NOS1AP: variants seen among roughly 807,000 people sequenced by gnomAD.
NOS1AP encodes the protein nitric oxide synthase 1 adaptor protein.
NOS1AP carries 21 observed loss-of-function variants against 56.2 expected under a neutral mutation model. That is an observed-to-expected ratio of 0.37 (90% CI 0.26 to 0.54). The LOEUF (loss-of-function observed/expected upper bound fraction) is 0.54, where lower values mean the gene tolerates loss of function less well. NOS1AP is among the 20% of genes least tolerant of loss of function. The pLI, the probability that NOS1AP is intolerant of heterozygous loss-of-function variation, is 0.84. For synonymous variants in NOS1AP, 270 were observed against 274.6 expected, an observed-to-expected ratio of 0.98 and a Z score of 0.17; for missense variants, 522 against 657.8, an observed-to-expected ratio of 0.79 and a Z score of 2.26.
chr1:162,166,516 G>A (rs1343640012), intron 2 of NOS1AP, among the ~76,000 whole-genome samples: 1 of 152,144 alleles, frequency 6.6e-6, no homozygotes, highest in African/African-American at 2.4e-5. Context: ...TTATCTTCCA[G>A]AGCCTATTTG....
chr1:162,186,427 A>C (rs776822141), intron 2 of NOS1AP, among the ~76,000 whole-genome samples: 51 of 152,242 alleles, frequency 3.3e-4, no homozygotes, highest in Admixed American at 5.9e-4. Context: ...ACAAAAAAAA[A>C]CAAAAAAACC....
intron 8 of NOS1AP, among the ~76,000 whole-genome samples, chr1:162,360,006 C>T (rs1007073782): frequency 8.6e-5 from 13 of 151,058 alleles, no homozygotes; most frequent in African/African-American, 1.2e-4. Context: ...CTATTTATGT[C>T]GTCCCCCCCC....
intron 2 of NOS1AP, among the ~76,000 whole-genome samples, chr1:162,258,714 A>G (rs1571167673): frequency 1.3e-5 from 2 of 152,200 alleles, no homozygotes; most frequent in Non-Finnish European, 1.5e-5. Flanking sequence ...TGTCATCTTT[A>G]TTTCTTTACA....
intron 2 of NOS1AP, among the ~76,000 whole-genome samples, chr1:162,211,522 A>G (rs1391079925): frequency 6.6e-6 from 1 of 152,178 alleles, no homozygotes; most frequent in African/African-American, 2.4e-5. Flanking sequence ...TCAGTGCAGA[A>G]TGTTGGTGGG....
intron 2 of NOS1AP, among the ~76,000 whole-genome samples, chr1:162,194,744 G>C (rs1224663330): frequency 6.6e-6 from 1 of 152,238 alleles, no homozygotes; most frequent in East Asian, 1.9e-4. Flanking sequence ...GCTTTCCTCG[G>C]GGGGTTGGGG....
intron 2 of NOS1AP, among the ~76,000 whole-genome samples, chr1:162,167,140 C>T (rs145596826): frequency 4.6e-5 from 7 of 152,332 alleles, no homozygotes; most frequent in Middle Eastern, 3.4e-3. Context: ...TTTAACCGCA[C>T]GAAGGTTTAT....
At chr1:162,322,749 G>T (rs1224650665) in intron 4 of NOS1AP, among the ~76,000 whole-genome samples, 1 of 152,150 alleles carries the variant, frequency 6.6e-6, no homozygotes, top group Non-Finnish European at 1.5e-5. Flanking sequence ...AGACATCTAT[G>T]AAGACATCCA....
chr1:162,266,788 C>A (rs1465479945), intron 2 of NOS1AP, among the ~76,000 whole-genome samples: 1 of 152,184 alleles, frequency 6.6e-6, no homozygotes, highest in Non-Finnish European at 1.5e-5. Flanking sequence ...AAATATTATA[C>A]TACGATGCTT....
chr1:162,277,437 C>T (rs1288042964), intron 2 of NOS1AP, among the ~76,000 whole-genome samples: 1 of 152,202 alleles, frequency 6.6e-6, no homozygotes. Context: ...CACGAATATT[C>T]ACTGGGGCCA....
chr1:162,115,715 G>T (rs1471220327), intron 1 of NOS1AP, among the ~76,000 whole-genome samples: 1 of 152,190 alleles, frequency 6.6e-6, no homozygotes, highest in African/African-American at 2.4e-5. Context: ...GGGCAAGTTG[G>T]AGTAACTCAG....
At chr1:162,121,303 T>A (rs1369783361) in intron 1 of NOS1AP, among the ~76,000 whole-genome samples, 3 of 151,912 alleles carry the variant, frequency 2.0e-5, no homozygotes, top group South Asian at 4.2e-4. Context: ...AATTTCTGTA[T>A]TTTTAGTGGA....
Position 162,233,683 on chromosome 1 carries a change from A to G in NOS1AP, c.178-53661A>G, listed in dbSNP as rs1653198130. On this transcript the variant is annotated intron_variant, in intron 2 of 9. Transcript: ENST00000361897. Reference sequence around the variant, plus strand: ...ATTTATTTTAAGTACTTTATTGTCCAATCCCAAAGATAGATATGACTTTCT... The same window carrying G: ...ATTTATTTTAAGTACTTTATTGTCCGATCCCAAAGATAGATATGACTTTCT... Among the ~76,000 whole-genome samples, 4 of 152,188 alleles carry G rather than the reference A, an allele frequency of 2.6e-5. No homozygotes were observed. In the South Asian group the frequency reaches 8.3e-4, roughly 31 times the overall value.
At chr1:162,263,812 T>C (rs1197687894) in intron 2 of NOS1AP, among the ~76,000 whole-genome samples, 5 of 152,198 alleles carry the variant, frequency 3.3e-5, no homozygotes, top group African/African-American at 1.2e-4. Flanking sequence ...CTCTTTACCT[T>C]ACTCCATAAA....
At chr1:162,332,957 TG>T (rs1656821124) in intron 4 of NOS1AP, 59 bp from the exon 5 acceptor site, 1 of 1,172,038 alleles carries the variant, frequency 8.5e-7, no homozygotes, top group Non-Finnish European at 1.3e-6. Flanking sequence ...AGAGCTTTCC[TG>T]GTTGGAGATT....
At chr1:162,213,515 A>G (rs1263432158) in intron 2 of NOS1AP, among the ~76,000 whole-genome samples, 1 of 152,206 alleles carries the variant, frequency 6.6e-6, no homozygotes, top group African/African-American at 2.4e-5. Flanking sequence ...AGAAAGAAGG[A>G]TGTGCCCACC....
chr1:162,088,342 G>A (rs1287909319), intron 1 of NOS1AP, among the ~76,000 whole-genome samples: 1 of 152,132 alleles, frequency 6.6e-6, no homozygotes, highest in Non-Finnish European at 1.5e-5. Flanking sequence ...GATACCCACT[G>A]CCCCTAGGGA....
chr1:162,351,267 A>G (rs1335450093), intron 6 of NOS1AP, among the ~76,000 whole-genome samples: 1 of 152,242 alleles, frequency 6.6e-6, no homozygotes, highest in South Asian at 2.1e-4. Context: ...TGCAGTTTCA[A>G]GGCAAAAAGT....
intron 3 of NOS1AP, among the ~76,000 whole-genome samples, chr1:162,293,007 C>A (rs190313712): frequency 1.3e-5 from 2 of 152,206 alleles, no homozygotes; most frequent in African/African-American, 4.8e-5. Flanking sequence ...TTCTTTCCAC[C>A]GTGCTGTGTT....
chr1:162,103,741 A>G (rs566573891), intron 1 of NOS1AP, among the ~76,000 whole-genome samples: 1 of 152,320 alleles, frequency 6.6e-6, no homozygotes, highest in African/African-American at 2.4e-5. Flanking sequence ...GTCAGAAACT[A>G]GGATTGTGAC....
Sources: gnomAD v4.1 joint callset for allele counts (sites outside exome capture counted in the v4.1 genomes callset) on GRCh38, gnomAD v4.1.1 for gene constraint, MANE v1.5 for transcripts, NCBI Gene and HGNC (gene_info 2026-07-23, HGNC 2026-07-21) for gene names.